Variants in MAOB observed in about 807,000 individuals in gnomAD.
The protein encoded by MAOB is amine oxidase [flavin-containing] B.
MAOB carries 15 observed loss-of-function variants against 41.9 expected under a neutral mutation model. That is an observed-to-expected ratio of 0.36 (90% CI 0.24 to 0.55). MAOB has a LOEUF of 0.55. MAOB is among the 20% of genes least tolerant of loss of function. The probability of loss-of-function intolerance (pLI) is 0.86; values close to 1 mark genes in which losing one functional copy is unlikely to be tolerated. For missense variants in MAOB, 345 were observed against 398.7 expected (o/e 0.87, Z 1.15); for synonymous variants, 167 against 144.2 (o/e 1.16, Z -1.13).
intron 4 of MAOB, among the ~76,000 whole-genome samples, chrX:43,802,881 G>A (rs1174091079): frequency 3.6e-5 from 4 of 111,204 alleles, no homozygotes; most frequent in Admixed American, 2.9e-4. Flanking sequence ...AACCACCATG[G>A]CACATGTATA....
intron 1 of MAOB, among the ~76,000 whole-genome samples, chrX:43,878,408 TTGTGTGTG>T (rs66511222): frequency 1.6e-4 from 14 of 88,872 alleles, no homozygotes; most frequent in African/African-American, 3.7e-4. Flanking sequence ...TACCCAGCCT[TTGTGTGTG>T]TGTGTGTGTG....
chrX:43,778,521 G>C lies in MAOB; in HGVS notation c.1137+161C>G, dbSNP rs143339718. The stretch of plus-strand genomic sequence containing the variant: ...GCACAGCCAGGGCCCACACTCTCTG[G>C]AACCACTTGTAAACTGACCAGTCCT... On this transcript the variant is annotated intron_variant, in intron 11 of 14. Coordinates refer to ENST00000378069, the MANE Select transcript of MAOB (RefSeq NM_000898.5). 5.4e-5 allele frequency among the ~76,000 whole-genome samples: 6 copies of C among 111,811 alleles called. No homozygotes were observed. In the East Asian group the frequency reaches 1.7e-3, roughly 32 times the overall value.
intron 3 of MAOB, among the ~76,000 whole-genome samples, chrX:43,815,212 T>C (rs2034794970): frequency 8.9e-6 from 1 of 111,924 alleles, no homozygotes; most frequent in Non-Finnish European, 1.9e-5. Context: ...CTAAAATTGG[T>C]TTTGCTGTGC....
At chrX:43,805,725 A>G (rs2034654685) in intron 3 of MAOB, among the ~76,000 whole-genome samples, 1 of 112,282 alleles carries the variant, frequency 8.9e-6, no homozygotes, top group South Asian at 3.7e-4. Flanking sequence ...CAAAACTGCT[A>G]TAAACATTCT....
At chrX:43,778,592 G>T (rs1167667205) in intron 11 of MAOB, 90 bp downstream of exon 11, 8 of 717,683 alleles carry the variant, frequency 1.1e-5, no homozygotes, top group Non-Finnish European at 1.7e-5. Context: ...TGAACTTCAG[G>T]ACCCAACTTG....
intron 3 of MAOB, among the ~76,000 whole-genome samples, chrX:43,823,072 C>G (rs562459863): frequency 9.2e-6 from 1 of 108,813 alleles, no homozygotes; most frequent in Non-Finnish European, 1.9e-5. Flanking sequence ...AAACTTGCCT[C>G]AAATCACACA....
chrX:43,786,141 G>A (rs771511180), intron 8 of MAOB, among the ~76,000 whole-genome samples: 12 of 112,040 alleles, frequency 1.1e-4, no homozygotes, highest in Non-Finnish European at 7.5e-5. Flanking sequence ...TCAAAAGACT[G>A]TGACAGGGCA....
intron 3 of MAOB, among the ~76,000 whole-genome samples, chrX:43,831,991 A>G (rs992612017): frequency 2.7e-5 from 3 of 111,536 alleles, no homozygotes; most frequent in African/African-American, 6.5e-5. Flanking sequence ...AATTCTTCCA[A>G]TTGTTTAAAT....
intron 1 of MAOB, among the ~76,000 whole-genome samples, chrX:43,870,494 C>A (rs1218143543): frequency 9.0e-6 from 1 of 111,371 alleles, no homozygotes; most frequent in East Asian, 2.8e-4. Flanking sequence ...CCTCTTGCAT[C>A]CTTGGTGGAG....
At position 43,803,304 on chromosome X, in the gene MAOB, C is replaced by T. The variant is rs372591640; in HGVS notation, c.380G>A (p.Arg127Gln). ...ATATAGTCAAAGAAGCTTTACCTCT[C>T]GCCCCATGTCATCCATTGTCCTCCA... ...NFWRTMDDMG[R>Q]EIPSDAPWKA... The change falls in exon 4 of 15, where the codon CGA (arginine) becomes CAA (glutamine). Residue 127 changes from arginine to glutamine, a missense_variant. Coordinates refer to ENST00000378069, the MANE Select transcript of MAOB (RefSeq NM_000898.5). 1.2e-5 allele frequency: 14 copies of T among 1,143,847 alleles called. No homozygotes were observed. In the East Asian group the frequency reaches 1.3e-4, roughly 11 times the overall value. The allele number at this position is 1,143,847 out of a possible 1,213,427, so 94.3% of individuals were successfully genotyped here. A position where few individuals can be genotyped will look rare whatever the true frequency, so the allele number is the denominator to read the frequency against.
chrX:43,798,501 G>A (rs942832308), intron 5 of MAOB, among the ~76,000 whole-genome samples: 2 of 111,964 alleles, frequency 1.8e-5, no homozygotes, highest in African/African-American at 6.5e-5. Flanking sequence ...GAGCATAAAT[G>A]GGTAAGCTTT....
chrX:43,876,331 AAG>A (rs2035439385), intron 1 of MAOB, among the ~76,000 whole-genome samples: 1 of 112,437 alleles, frequency 8.9e-6, no homozygotes, highest in Admixed American at 9.4e-5. Context: ...ATATAAATGA[AAG>A]ATGCAGTCAC....
intron 3 of MAOB, among the ~76,000 whole-genome samples, chrX:43,813,894 A>G (rs959075807): frequency 9.0e-6 from 1 of 111,507 alleles, no homozygotes; most frequent in African/African-American, 3.3e-5. Flanking sequence ...CATGTAGTAG[A>G]TTAGAAGGTG....
chrX:43,832,278 C>G (rs771468152), intron 3 of MAOB, among the ~76,000 whole-genome samples: 2 of 112,268 alleles, frequency 1.8e-5, no homozygotes, highest in Non-Finnish European at 3.8e-5. Context: ...GAAGGCCAAC[C>G]AAGTACTTAC....
chrX:43,837,907 G>A (rs768264061), intron 3 of MAOB: 1 of 328,991 alleles, frequency 3.0e-6, no homozygotes, highest in Non-Finnish European at 5.9e-6. Context: ...GTGACTTTGT[G>A]GACCAAGATG....
At chrX:43,828,979 A>G (rs1037889565) in intron 3 of MAOB, among the ~76,000 whole-genome samples, 11 of 111,995 alleles carry the variant, frequency 9.8e-5, no homozygotes, top group Non-Finnish European at 1.9e-4. Context: ...TTTGGAACAG[A>G]ATTTCCAGGA....
At chrX:43,773,468 A>G (rs943146101) in intron 12 of MAOB, among the ~76,000 whole-genome samples, 59 of 112,620 alleles carry the variant, frequency 5.2e-4, no homozygotes, top group African/African-American at 1.9e-3. Flanking sequence ...TGTCCTTGGT[A>G]TTGAAGTTCT....
intron 3 of MAOB, among the ~76,000 whole-genome samples, chrX:43,815,425 T>C (rs2034798392): frequency 8.9e-6 from 1 of 111,974 alleles, no homozygotes. Context: ...TTTTCAAAAA[T>C]AGAGACGACT....
In MAOB at chrX:43,818,932, TG is replaced by T. The variant is rs1164435255; in HGVS notation, c.280-15529del. Among the ~76,000 whole-genome samples the T allele has an allele frequency of 1.3e-4, 15 of 111,960 alleles. 1 individual carries two copies. In the East Asian group the frequency reaches 4.0e-3, roughly 30 times the overall value. ...GGCTTCATAGCTTCGCCTGGCTATG[TG>T]GCTGTGTATGGAACAGCCCCTTGAT... On this transcript the variant is annotated intron_variant, in intron 3 of 14. Coordinates refer to ENST00000378069, the MANE Select transcript of MAOB (RefSeq NM_000898.5).
Sources: gnomAD v4.1 joint callset for allele counts (sites outside exome capture counted in the v4.1 genomes callset) on GRCh38, gnomAD v4.1.1 for gene constraint, MANE v1.5 for transcripts, NCBI Gene and HGNC (gene_info 2026-07-23, HGNC 2026-07-21) for gene names.